JPH1: variants seen among roughly 807,000 people sequenced by gnomAD.
The protein encoded by JPH1 is junctophilin 1.
In JPH1, 12 loss-of-function variants were observed where a neutral mutation model predicts 53.6. That is an observed-to-expected ratio of 0.22 (90% CI 0.14 to 0.36). The LOEUF is 0.36. Among genes scored for constraint, JPH1 ranks in the 10% least tolerant of loss-of-function variants. The pLI, the probability that JPH1 is intolerant of heterozygous loss-of-function variation, is 1.00. For missense variants in JPH1, 808 were observed against 905.5 expected (o/e 0.89, Z 1.38); for synonymous variants, 375 against 363.8 (o/e 1.03, Z -0.35).
intron 2 of JPH1, among the ~76,000 whole-genome samples, chr8:74,286,599 T>C (rs1177804803): frequency 6.6e-6 from 1 of 152,238 alleles, no homozygotes; most frequent in African/African-American, 2.4e-5. Context: ...CTACAGTTCA[T>C]TTCTTAAATG....
chr8:74,247,821 T>C (rs138092523), intron 3 of JPH1, among the ~76,000 whole-genome samples: 2 of 152,350 alleles, frequency 1.3e-5, no homozygotes, highest in Admixed American at 6.5e-5. Flanking sequence ...TTCCATATTG[T>C]ATTAAGAAAT....
intron 2 of JPH1, among the ~76,000 whole-genome samples, chr8:74,264,194 A>C (rs1228157892): frequency 6.6e-6 from 1 of 152,244 alleles, no homozygotes; most frequent in Non-Finnish European, 1.5e-5. Flanking sequence ...TTTGGTCTAG[A>C]ATAGACAATA....
At chr8:74,249,859 T>C (rs1805986999) in intron 3 of JPH1, among the ~76,000 whole-genome samples, 1 of 152,152 alleles carries the variant, frequency 6.6e-6, no homozygotes, top group African/African-American at 2.4e-5. Flanking sequence ...TAATAACCTG[T>C]GCTAAAGACT....
At chr8:74,238,952 C>T (rs1327021433) in intron 4 of JPH1, among the ~76,000 whole-genome samples, 1 of 152,148 alleles carries the variant, frequency 6.6e-6, no homozygotes, top group African/African-American at 2.4e-5. Flanking sequence ...ACCACAGTGC[C>T]TGACCCAAAT....
intron 3 of JPH1, among the ~76,000 whole-genome samples, chr8:74,256,024 C>T (rs1806214096): frequency 6.6e-6 from 1 of 152,170 alleles, no homozygotes; most frequent in South Asian, 2.1e-4. Context: ...CCATTTGACC[C>T]AGCCATTCCA....
intron 2 of JPH1, among the ~76,000 whole-genome samples, chr8:74,304,376 T>C (rs568647996): frequency 5.3e-5 from 8 of 152,328 alleles, no homozygotes; most frequent in African/African-American, 1.9e-4. Context: ...AATCTATTAG[T>C]CCACAGTTCA....
intron 2 of JPH1, among the ~76,000 whole-genome samples, chr8:74,297,828 T>C (rs1018126714): frequency 2.0e-5 from 3 of 152,226 alleles, no homozygotes; most frequent in South Asian, 4.1e-4. Flanking sequence ...GCTATCTAGA[T>C]AGTGTGATGA....
At position 74,315,119 on chromosome 8, in the gene JPH1, C is replaced by T; in HGVS notation, c.881G>A (p.Gly294Asp). The change falls in exon 2 of 6, where the codon GGC becomes GAC. Residue 294 changes from glycine (G) to aspartate (D), a missense_variant. By Grantham distance (94) the Gly-to-Asp change is moderately conservative (BLOSUM62 -1). Transcript: ENST00000342232. The surrounding 1 kb of genome is among the most constrained non-coding windows in gnomAD (Gnocchi z 6.3). ...EWKNDKRNGFGVSERSNGMKY... is the reference protein window; with the variant it reads ...EWKNDKRNGFDVSERSNGMKY... Reference sequence around the variant, plus strand: ...CATGCCATTGGAGCGCTCGCTAACGCCGAAGCCGTTGCGCTTGTCGTTCTT... The same window carrying T: ...CATGCCATTGGAGCGCTCGCTAACGTCGAAGCCGTTGCGCTTGTCGTTCTT... 6.2e-7 allele frequency: 1 copy of T among 1,614,234 alleles called. No homozygotes were observed. The highest frequency in any genetic ancestry group is 8.5e-7 in the Non-Finnish European group (1 of 1,180,042).
chr8:74,263,437 C>T (rs1806449077), intron 2 of JPH1, among the ~76,000 whole-genome samples: 1 of 152,146 alleles, frequency 6.6e-6, no homozygotes, highest in Non-Finnish European at 1.5e-5. Flanking sequence ...ACAAGTATTT[C>T]AAGAAAATTA....
chr8:74,307,164 G>T (rs987530006), intron 2 of JPH1, among the ~76,000 whole-genome samples: 4 of 151,994 alleles, frequency 2.6e-5, no homozygotes, highest in African/African-American at 9.7e-5. Context: ...TTCCCTTCCT[G>T]TTTCCTTCCT....
At chr8:74,302,478 T>C (rs1171228358) in intron 2 of JPH1, among the ~76,000 whole-genome samples, 1 of 152,194 alleles carries the variant, frequency 6.6e-6, no homozygotes, top group African/African-American at 2.4e-5. Flanking sequence ...GTACATATAT[T>C]TTCTATGCTC....
At chr8:74,296,902 C>A (rs1807537243) in intron 2 of JPH1, among the ~76,000 whole-genome samples, 1 of 152,162 alleles carries the variant, frequency 6.6e-6, no homozygotes, top group South Asian at 2.1e-4. Context: ...ACATCTCTGG[C>A]TAACTCGAAG....
chr8:74,294,511 TC>T (rs1329973739), intron 2 of JPH1, among the ~76,000 whole-genome samples: 1 of 152,162 alleles, frequency 6.6e-6, no homozygotes, highest in African/African-American at 2.4e-5. Context: ...TACAACAATC[TC>T]TCTTCTCACA....
At chr8:74,281,740 C>T (rs998612347) in intron 2 of JPH1, among the ~76,000 whole-genome samples, 1 of 152,174 alleles carries the variant, frequency 6.6e-6, no homozygotes, top group African/African-American at 2.4e-5. Flanking sequence ...CAACTATCCC[C>T]TCACATTCAT....
Position 74,321,075 on chromosome 8 carries a change from C to G in JPH1, c.213G>C (p.Gly71=), listed in dbSNP as rs1177995942. Residue 71 remains glycine, a synonymous_variant, in exon 1 of 6, where the codon GGG becomes GGC. Transcript: ENST00000342232. This position sits in a 1 kb window ranked among gnomAD's most constrained non-coding sequence, Gnocchi z 4.3. ...ACTTGCCCTTCGTCTCCACCCCCAG[C>G]CCGTGCCGCTTGCCCTGCGCCCAGT... The part of the protein sequence containing the change: ...QGYWAQGKRH[G]LGVETKGKWM... 2 of 1,613,434 alleles carry G rather than the reference C, an allele frequency of 1.2e-6. No homozygotes were observed. Among genetic ancestry groups the G allele is most frequent in the Non-Finnish European group, 1.7e-6 (2 of 1,179,664 alleles).
intron 2 of JPH1, among the ~76,000 whole-genome samples, chr8:74,311,036 C>T (rs1254864988): frequency 6.6e-6 from 1 of 152,174 alleles, no homozygotes; most frequent in East Asian, 1.9e-4. Context: ...AGCCATCCTT[C>T]CACCTCAGTC....
In JPH1 at chr8:74,275,871, G is replaced by A. The variant is rs777727267; in HGVS notation, c.1140-16368C>T. Among the ~76,000 whole-genome samples, 72 of 152,232 alleles carry A rather than the reference G, an allele frequency of 4.7e-4. 1 individual carries two copies. The highest frequency in any genetic ancestry group is 1.0e-3 in the South Asian group (5 of 4,828). On this transcript the variant is annotated intron_variant, in intron 2 of 5. Coordinates refer to ENST00000342232, the MANE Select transcript of JPH1 (RefSeq NM_020647.4). ...AAGGTTTCTGAGTCCTCTTTCTTAC[G>A]TCAGAATCAAATCAGGAAAGAGACC...
intron 2 of JPH1, among the ~76,000 whole-genome samples, chr8:74,261,701 C>T (rs983666253): frequency 6.6e-6 from 1 of 152,096 alleles, no homozygotes; most frequent in African/African-American, 2.4e-5. Context: ...AAACTTTTTT[C>T]CCCCAAATGA....
intron 3 of JPH1, among the ~76,000 whole-genome samples, chr8:74,254,994 T>C (rs1447001939): frequency 1.3e-5 from 2 of 152,166 alleles, no homozygotes; most frequent in Non-Finnish European, 2.9e-5. Flanking sequence ...GATTCAATGC[T>C]GTCCCCATCA....
Sources: allele counts gnomAD v4.1 joint callset (sites outside exome capture counted in the v4.1 genomes callset), GRCh38; gene constraint gnomAD v4.1.1; non-coding constraint Gnocchi (gnomAD v3.1); transcripts MANE v1.5; gene names NCBI Gene and HGNC (gene_info 2026-07-23, HGNC 2026-07-21).